PTPRG: variants seen among roughly 807,000 people sequenced by gnomAD.
PTPRG encodes the protein receptor-type tyrosine-protein phosphatase gamma.
In PTPRG, 102 loss-of-function variants were observed where a neutral mutation model predicts 165.3. That is an observed-to-expected ratio of 0.62 (90% CI 0.53 to 0.73). The LOEUF (loss-of-function observed/expected upper bound fraction) is 0.73. Ranked by LOEUF, PTPRG falls within the 30% of genes least tolerant of loss-of-function variation. PTPRG has a pLI of 0.00. For synonymous variants in PTPRG, 675 were observed against 669.5 expected, an observed-to-expected ratio of 1.01 and a Z score of -0.13; for missense variants, 1,866 against 1,861.4, an observed-to-expected ratio of 1.00 and a Z score of -0.05.
At chr3:61,869,670 C>T (rs764770498) in intron 2 of PTPRG, among the ~76,000 whole-genome samples, 5 of 152,104 alleles carry the variant, frequency 3.3e-5, no homozygotes, top group Non-Finnish European at 7.4e-5. Context: ...CCTCAACCTC[C>T]TGGGCTTAAC....
chr3:61,635,376 G>C (rs1452781449), intron 1 of PTPRG, among the ~76,000 whole-genome samples: 1 of 149,834 alleles, frequency 6.7e-6, no homozygotes, highest in Non-Finnish European at 1.5e-5. Context: ...TATTATTAGA[G>C]ACAGAGTCTC....
intron 4 of PTPRG, among the ~76,000 whole-genome samples, chr3:62,027,153 C>T (rs2041824391): frequency 6.6e-6 from 1 of 152,006 alleles, no homozygotes; most frequent in African/African-American, 2.4e-5. Flanking sequence ...GTAGAACAAA[C>T]TGGGGATGAC....
At chr3:61,978,160 G>C (rs1431841262) in intron 2 of PTPRG, among the ~76,000 whole-genome samples, 5 of 152,166 alleles carry the variant, frequency 3.3e-5, no homozygotes, top group Non-Finnish European at 5.9e-5. Flanking sequence ...CTGACATTTA[G>C]AGCTGATTGA....
chr3:62,060,026 A>C (rs2106685375), intron 4 of PTPRG, among the ~76,000 whole-genome samples: 1 of 152,134 alleles, frequency 6.6e-6, no homozygotes, highest in East Asian at 1.9e-4. Context: ...TAGCAGCATG[A>C]AGACAGATTA....
intron 2 of PTPRG, among the ~76,000 whole-genome samples, chr3:61,873,682 A>G (rs142526425): frequency 1.4e-3 from 211 of 152,252 alleles, no homozygotes; most frequent in African/African-American, 4.8e-3. Context: ...GGGGAGGGGT[A>G]GTTTTTGTCC....
intron 3 of PTPRG, among the ~76,000 whole-genome samples, chr3:62,002,945 C>A (rs1261313780): frequency 6.6e-6 from 1 of 152,126 alleles, no homozygotes; most frequent in East Asian, 1.9e-4. Flanking sequence ...CTCTCTTGTT[C>A]CAGACCTTGA....
intron 2 of PTPRG, among the ~76,000 whole-genome samples, chr3:61,848,031 T>C (rs923160897): frequency 1.1e-4 from 16 of 152,242 alleles, no homozygotes; most frequent in South Asian, 2.1e-4. Flanking sequence ...TAAATACTTA[T>C]GCAGATGAAG....
chr3:61,966,174 TTAAC>T (rs1160850105), intron 2 of PTPRG, among the ~76,000 whole-genome samples: 5 of 152,214 alleles, frequency 3.3e-5, no homozygotes, highest in South Asian at 2.1e-4. Context: ...GTTATCGAGT[TTAAC>T]TAAGGAATCA....
intron 8 of PTPRG, among the ~76,000 whole-genome samples, chr3:62,171,284 C>T (rs915277399): frequency 2.0e-5 from 3 of 152,140 alleles, no homozygotes; most frequent in African/African-American, 7.2e-5. Context: ...AGTAAAATGG[C>T]AGCATCCTAG....
intron 2 of PTPRG, among the ~76,000 whole-genome samples, chr3:61,826,489 C>A (rs1373078275): frequency 6.6e-6 from 1 of 151,736 alleles, no homozygotes; most frequent in African/African-American, 2.4e-5. Flanking sequence ...CTTGGAGTCA[C>A]CCAGTCCTTT....
intron 10 of PTPRG, among the ~76,000 whole-genome samples, chr3:62,196,301 A>G (rs939505036): frequency 6.6e-6 from 1 of 151,926 alleles, no homozygotes; most frequent in African/African-American, 2.4e-5. Flanking sequence ...TACTTGGGAG[A>G]CTGAAGCAGG....
At chr3:62,156,761 A>G (rs1704552871) in intron 6 of PTPRG, among the ~76,000 whole-genome samples, 1 of 152,202 alleles carries the variant, frequency 6.6e-6, no homozygotes, top group Non-Finnish European at 1.5e-5. Context: ...AGATTTTGGT[A>G]TGCTAGAATA....
At chr3:62,113,674 A>G (rs1464468406) in intron 5 of PTPRG, among the ~76,000 whole-genome samples, 1 of 152,220 alleles carries the variant, frequency 6.6e-6, no homozygotes. Context: ...CTCTGGAGGG[A>G]ACCAGTAAGG....
intron 1 of PTPRG, among the ~76,000 whole-genome samples, chr3:61,698,779 T>C (rs1239771413): frequency 6.6e-6 from 1 of 152,158 alleles, no homozygotes; most frequent in African/African-American, 2.4e-5. Context: ...TTAACATAAA[T>C]AACACATTTT....
Position 61,768,487 on chromosome 3 carries a change from G to A in PTPRG, c.190+19505G>A, listed in dbSNP as rs1388456232. Among the ~76,000 whole-genome samples, 14 of 152,270 alleles carry A rather than the reference G, an allele frequency of 9.2e-5. 1 individual carries two copies. The highest frequency in any genetic ancestry group is 8.5e-4 in the Admixed American group (13 of 15,292). ...ACTGAGTCTGTGTAGGAAGTCCCCG[G>A]CAAGTAGCTAAGTATGGGTTGTTGC... is the stretch of plus-strand genomic sequence containing the variant. On this transcript the variant is annotated intron_variant, in intron 2 of 29. Transcript: ENST00000474889.
At chr3:61,939,631 G>C (rs2039563749) in intron 2 of PTPRG, among the ~76,000 whole-genome samples, 1 of 152,100 alleles carries the variant, frequency 6.6e-6, no homozygotes, top group African/African-American at 2.4e-5. Context: ...TACATGAAAT[G>C]GTTTGAGAGT....
chr3:61,662,491 C>G (rs1199345251), intron 1 of PTPRG, among the ~76,000 whole-genome samples: 2 of 152,188 alleles, frequency 1.3e-5, no homozygotes, highest in African/African-American at 4.8e-5. Context: ...AGAACCTGAG[C>G]CAGAAGCAAG....
intron 1 of PTPRG, among the ~76,000 whole-genome samples, chr3:61,688,079 A>T (rs975366775): frequency 2.6e-5 from 4 of 152,156 alleles, no homozygotes; most frequent in African/African-American, 9.7e-5. Context: ...AGTGTGGCTG[A>T]CATCACTTTC....
At chr3:61,863,903 T>C (rs183535808) in intron 2 of PTPRG, among the ~76,000 whole-genome samples, 1 of 152,340 alleles carries the variant, frequency 6.6e-6, no homozygotes, top group African/African-American at 2.4e-5. Context: ...GTTCTATGTA[T>C]TTAGCAGAAC....
Sources: gnomAD v4.1 joint callset for allele counts (sites outside exome capture counted in the v4.1 genomes callset) on GRCh38, gnomAD v4.1.1 for gene constraint, MANE v1.5 for transcripts, NCBI Gene and HGNC (gene_info 2026-07-23, HGNC 2026-07-21) for gene names.